Variants in ARL9 observed in about 807,000 individuals in gnomAD.
ARL9 encodes ARF like GTPase 9, also known as ADP-ribosylation factor-like protein 9.
A neutral mutation model predicts 27.0 loss-of-function variants in ARL9; 14 were observed. The ratio of observed to expected loss-of-function variants is 0.52; its 90% CI spans 0.34 to 0.81. The LOEUF (loss-of-function observed/expected upper bound fraction) is 0.81, where lower values mean the gene tolerates loss of function less well. Among genes scored for constraint, ARL9 ranks in the 30% least tolerant of loss-of-function variants. The probability of loss-of-function intolerance (pLI) is 0.01; values close to 1 mark genes in which losing one functional copy is unlikely to be tolerated. For synonymous variants in ARL9, 106 were observed against 108.7 expected, an observed-to-expected ratio of 0.98 and a Z score of 0.15; for missense variants, 294 against 290.0, an observed-to-expected ratio of 1.01 and a Z score of -0.10.
chr4:56,506,565 G>A, intron 1 of ARL9: 1 of 952,882 alleles, frequency 1.0e-6, no homozygotes, highest in Non-Finnish European at 1.2e-6. Context: ...TTTGTCAGAA[G>A]GGGCAGGGTT....
At position 56,524,010 on chromosome 4, in the gene ARL9, G is replaced by T; in HGVS notation, c.*134G>T. 1 of 758,788 alleles carries T rather than the reference G, an allele frequency of 1.3e-6. No individual in the cohort carries two copies. The highest frequency in any genetic ancestry group is 3.6e-5 in the Admixed American group (1 of 27,868). 47.0% of individuals were successfully genotyped at this position (758,788 alleles called of 1,614,324 possible). On this transcript the variant is annotated 3_prime_UTR_variant, in exon 4 of 4. Transcript: ENST00000640821. ...TTTCTCAGTGCATGGGATGTATATA[G>T]TTAGCCCTCCATATCCATGGGTTCC...
At chr4:56,505,544 G>A (rs1331217259), upstream of ARL9, 1 of 548,462 alleles carries the variant, frequency 1.8e-6, no homozygotes, top group Non-Finnish European at 3.5e-6. Context: ...CTGCAGCAAT[G>A]ATATACCCCG....
At chr4:56,514,534 A>G (rs1207434999) in intron 2 of ARL9, among the ~76,000 whole-genome samples, 1 of 152,240 alleles carries the variant, frequency 6.6e-6, no homozygotes, top group East Asian at 1.9e-4. Flanking sequence ...CAAGAGTATA[A>G]TACCTGTATT....
chr4:56,510,502 T>C (rs1479872658), intron 1 of ARL9, among the ~76,000 whole-genome samples: 1 of 151,722 alleles, frequency 6.6e-6, no homozygotes, highest in African/African-American at 2.4e-5. Flanking sequence ...ACCACGGAGG[T>C]CCCAAGACCC....
At chr4:56,513,685 G>A (rs1254856381) in intron 2 of ARL9, among the ~76,000 whole-genome samples, 1 of 152,130 alleles carries the variant, frequency 6.6e-6, no homozygotes, top group African/African-American at 2.4e-5. Flanking sequence ...GAGAAAAGTG[G>A]TGTTATCTAG....
Position 56,524,001 on chromosome 4 carries a change from A to T in ARL9, c.*125A>T. On this transcript the variant is annotated 3_prime_UTR_variant, in exon 4 of 4. Transcript: ENST00000640821. ...ATTTCCTATTTTCTCAGTGCATGGG[A>T]TGTATATAGTTAGCCCTCCATATCC... is the stretch of plus-strand genomic sequence containing the variant. The T allele has an allele frequency of 1.2e-6, 1 of 865,596 alleles. No individual in the cohort carries two copies. Among genetic ancestry groups the T allele is most frequent in the South Asian group, 2.3e-5 (1 of 43,064 alleles). 53.6% of individuals were successfully genotyped at this position (865,596 alleles called of 1,614,324 possible). A position where few individuals can be genotyped will look rare whatever the true frequency, so the allele number is the denominator to read the frequency against.
chr4:56,517,627 C>T (rs1721800745), intron 2 of ARL9, among the ~76,000 whole-genome samples: 1 of 151,870 alleles, frequency 6.6e-6, no homozygotes, highest in African/African-American at 2.4e-5. Flanking sequence ...GCGAGCTGTA[C>T]AAAAATAGGC....
intron 2 of ARL9, 143 bp from the exon 3 acceptor site, chr4:56,518,535 G>T: frequency 1.4e-6 from 1 of 693,222 alleles, no homozygotes. Context: ...TCACTCTGAG[G>T]ACTGGGTACA....
rs535987208 is a variant in ARL9 at position 56,506,036 on chromosome 4, A to G, written c.174A>G (p.Thr58=). The G allele has an allele frequency of 2.4e-6, 3 of 1,229,960 alleles. No individual in the cohort carries two copies. The highest frequency in any genetic ancestry group is 8.2e-5 in the South Asian group (2 of 24,482). The allele number at this position is 1,229,960 out of a possible 1,614,324, so 76.2% of individuals were successfully genotyped here. The change falls in exon 1 of 4, where the codon ACA becomes ACG. Residue 58 remains threonine, a synonymous_variant. Transcript: ENST00000640821. ...RKGKEKEEKR[T]KQGKETNKEK... The stretch of plus-strand genomic sequence containing the variant: ...GAAAAGAGAAAGAGGAAAAGAGGAC[A>G]AAGCAAGGGAAGGAGACAAACAAAG...
chr4:56,515,698 G>T (rs1412823454), intron 2 of ARL9, among the ~76,000 whole-genome samples: 1 of 152,074 alleles, frequency 6.6e-6, no homozygotes, highest in East Asian at 1.9e-4. Context: ...CTGTTATGCA[G>T]CAGCATGTAG....
chr4:56,506,730 G>T, intron 1 of ARL9: 3 of 961,962 alleles, frequency 3.1e-6, no homozygotes, highest in Non-Finnish European at 3.7e-6. Context: ...TCCTGAGCTG[G>T]CTCCTTGGCT....
At chr4:56,515,526 G>T (rs1235816496) in intron 2 of ARL9, among the ~76,000 whole-genome samples, 2 of 151,960 alleles carry the variant, frequency 1.3e-5, no homozygotes, top group African/African-American at 4.8e-5. Context: ...TTGAGAAAAA[G>T]AAATAAAAGG....
At position 56,523,999 on chromosome 4, in the gene ARL9, G is replaced by A; in HGVS notation, c.*123G>A. The A allele has an allele frequency of 1.1e-6, 1 of 890,046 alleles. No homozygotes were observed. The highest frequency in any genetic ancestry group is 1.6e-6 in the Non-Finnish European group (1 of 620,666). The allele number at this position is 890,046 out of a possible 1,614,324, so 55.1% of individuals were successfully genotyped here. A position where few individuals can be genotyped will look rare whatever the true frequency, so the allele number is the denominator to read the frequency against. ...CCATTTCCTATTTTCTCAGTGCATG[G>A]GATGTATATAGTTAGCCCTCCATAT... On this transcript the variant is annotated 3_prime_UTR_variant, in exon 4 of 4. Transcript: ENST00000640821.
chr4:56,519,991 C>A (rs867704855), intron 3 of ARL9, among the ~76,000 whole-genome samples: 1 of 151,218 alleles, frequency 6.6e-6, no homozygotes, highest in African/African-American at 2.4e-5. Context: ...TACAGGCATG[C>A]GCCACCACTC....
At chr4:56,514,194 CT>C (rs1721714526) in intron 2 of ARL9, among the ~76,000 whole-genome samples, 1 of 152,030 alleles carries the variant, frequency 6.6e-6, no homozygotes. Context: ...ACAAAATCTA[CT>C]GATCAAAACT....
rs1044889658 is a variant in ARL9, at chr4:56,523,613, A to G, written c.619-84A>G. On this transcript the variant is annotated intron_variant, in intron 3 of 3. Transcript: ENST00000640821. ...GAAAATGGTGTGGTCACTGAGAGCA[A>G]TAAATAAGAGTAATAAATGTGTTTA... 261 of 1,140,018 alleles carry G rather than the reference A, an allele frequency of 2.3e-4. 13 individuals are homozygous for G. The highest frequency in any genetic ancestry group is 1.4e-4 in the Non-Finnish European group (110 of 803,542). The allele number at this position is 1,140,018 out of a possible 1,614,324, so 70.6% of individuals were successfully genotyped here.
At chr4:56,507,762 T>A (rs1721507452) in intron 1 of ARL9, among the ~76,000 whole-genome samples, 1 of 151,196 alleles carries the variant, frequency 6.6e-6, no homozygotes. Context: ...TCACCTGAGG[T>A]CAGGAGTTCC....
chr4:56,518,746 G>C lies in ARL9; in HGVS notation c.511G>C (p.Val171Leu), dbSNP rs534842358. Reference sequence around the variant, plus strand: ...ATCCAAGGGATTGCTGCTGATCTTTGTGGTGGATTCAGCAGATCACAGCCG... The same window carrying C: ...ATCCAAGGGATTGCTGCTGATCTTTCTGGTGGATTCAGCAGATCACAGCCG... Reference protein sequence around the residue: ...YLSKGLLLIFVVDSADHSRLP... With the variant: ...YLSKGLLLIFLVDSADHSRLP... Residue 171 changes from valine to leucine, a missense_variant, in exon 3 of 4, where the codon GTG becomes CTG. Physicochemically the swap from Val to Leu is conservative, Grantham distance 32. Coordinates refer to ENST00000640821, the MANE Select transcript of ARL9 (RefSeq NM_001363794.2). The C allele has an allele frequency of 2.5e-6, 4 of 1,613,962 alleles. No individual in the cohort carries two copies. The African/African-American group carries it at 5.3e-5, about 22-fold the overall frequency.
upstream of ARL9, chr4:56,505,646 C>A: frequency 1.4e-6 from 1 of 738,722 alleles, no homozygotes. Flanking sequence ...TCTTTGCGAA[C>A]CCCTGCGGGT....
Sources: allele counts gnomAD v4.1 joint callset (sites outside exome capture counted in the v4.1 genomes callset), GRCh38; gene constraint gnomAD v4.1.1; transcripts MANE v1.5; gene names NCBI Gene and HGNC (gene_info 2026-07-23, HGNC 2026-07-21).